The following WWC2 variants were observed in gnomAD, a reference collection of about 807,000 sequenced individuals.
WWC2 encodes the protein WW and C2 domain containing 2.
A neutral mutation model predicts 138.5 loss-of-function variants in WWC2; 101 were observed. That is an observed-to-expected ratio of 0.73 (90% CI 0.62 to 0.86). The LOEUF (loss-of-function observed/expected upper bound fraction) is 0.86. Ranked by LOEUF, WWC2 falls within the 40% of genes least tolerant of loss-of-function variation. WWC2 has a pLI of 0.00. For missense variants in WWC2, 1,420 were observed against 1,419.4 expected (o/e 1.00, Z -0.01); for synonymous variants, 558 against 538.4 (o/e 1.04, Z -0.50).
rs1275547488 is a variant in WWC2 at position 183,317,790 on chromosome 4, A to ATACAAAAAG, written c.*2063_*2071dup. 6.6e-6 allele frequency: 1 copy of ATACAAAAAG among 152,190 alleles called. No homozygotes were observed. Among genetic ancestry groups the ATACAAAAAG allele is most frequent in the East Asian group, 1.9e-4 (1 of 5,200 alleles). The allele number at this position is 152,190 out of a possible 1,614,324, so 9.4% of individuals were successfully genotyped here. A position where few individuals can be genotyped will look rare whatever the true frequency, so the allele number is the denominator to read the frequency against. ...TCAGATTAGCTGTTGACTTTTTGTA[A>ATACAAAAAG]TACAAAAAGTTTCAGACAAGTATTA... On this transcript the variant is annotated 3_prime_UTR_variant, in exon 23 of 23. Transcript: ENST00000403733.
intron 1 of WWC2, among the ~76,000 whole-genome samples, chr4:183,190,976 C>T (rs539869332): frequency 1.1e-4 from 16 of 152,208 alleles, no homozygotes; most frequent in Non-Finnish European, 2.1e-4. Context: ...TTAAACTTAC[C>T]GTTCTCGTGT....
intron 1 of WWC2, among the ~76,000 whole-genome samples, chr4:183,150,598 G>T (rs927099068): frequency 6.6e-6 from 1 of 151,880 alleles, no homozygotes; most frequent in African/African-American, 2.4e-5. Context: ...ACAACATGCA[G>T]GGTTGTGTGC....
At chr4:183,265,331 T>C (rs1416241316) in intron 12 of WWC2, among the ~76,000 whole-genome samples, 2 of 152,216 alleles carry the variant, frequency 1.3e-5, no homozygotes, top group Non-Finnish European at 2.9e-5. Context: ...ATTGACCCTC[T>C]TTAGAATTTA....
chr4:183,217,256 T>C (rs1387321592), intron 4 of WWC2, among the ~76,000 whole-genome samples: 1 of 151,994 alleles, frequency 6.6e-6, no homozygotes, highest in Non-Finnish European at 1.5e-5. Flanking sequence ...GAGAGTAGTG[T>C]GGAGGGGCAA....
intron 5 of WWC2, among the ~76,000 whole-genome samples, chr4:183,240,815 T>C (rs1056549530): frequency 6.6e-6 from 1 of 152,192 alleles, no homozygotes; most frequent in African/African-American, 2.4e-5. Context: ...TTCCTCTACC[T>C]TTCCCGTTTG....
chr4:183,305,913 T>C (rs2309875), intron 21 of WWC2, among the ~76,000 whole-genome samples: 105,498 of 152,094 alleles, frequency 0.69, 36,859 homozygotes, highest in Middle Eastern at 0.83. Flanking sequence ...ATAGCAACAG[T>C]GTATTCAGTT....
rs958253920 is a variant in WWC2, at chr4:183,245,363, A to C, written c.603-53A>C. ...CAAACCACTTCCTACTCTCTGTTTA[A>C]CTTATATGCTATCATTCTTTGATAT... is the stretch of plus-strand genomic sequence containing the variant. On this transcript the variant is annotated intron_variant, in intron 5 of 22. Transcript: ENST00000403733. 2.8e-6 allele frequency: 4 copies of C among 1,423,684 alleles called. No individual in the cohort carries two copies. The Admixed American group carries it at 1.3e-4, about 45-fold the overall frequency. 88.2% of individuals were successfully genotyped at this position (1,423,684 alleles called of 1,614,324 possible).
chr4:183,216,347 G>A (rs1242002279), intron 4 of WWC2, among the ~76,000 whole-genome samples: 2 of 152,196 alleles, frequency 1.3e-5, no homozygotes, highest in Non-Finnish European at 2.9e-5. Flanking sequence ...TGATTCAAGA[G>A]TCGTCAGCTG....
chr4:183,304,596 C>G lies in WWC2; in HGVS notation c.3385-7745C>G, dbSNP rs553575384. 4.6e-5 allele frequency among the ~76,000 whole-genome samples: 7 copies of G among 152,282 alleles called. No homozygotes were observed. The South Asian group carries it at 8.3e-4, about 18-fold the overall frequency. On this transcript the variant is annotated intron_variant, in intron 21 of 22. Transcript: ENST00000403733. ...TGGTAAGGGAAATACTCAACTCTAG[C>G]CCCCTCTAGTCTTCCATGTGGAAGA...
chr4:183,226,092 TTTC>T lies in WWC2; in HGVS notation c.523-14088_523-14086del, dbSNP rs1266691261. ...CTGTGAAACTTTTCTTTTCTTTTCT[TTTC>T]TTTTTTTTTTTTTTTTTTTGATACA... On this transcript the variant is annotated intron_variant, in intron 4 of 22. Coordinates refer to ENST00000403733, the MANE Select transcript of WWC2 (RefSeq NM_024949.6). Among the ~76,000 whole-genome samples, 549 of 133,070 alleles carry T rather than the reference TTTC, an allele frequency of 4.1e-3. 6 individuals carry two copies. Among genetic ancestry groups the T allele is most frequent in the African/African-American group, 0.021 (512 of 24,514 alleles). The allele number at this position is 133,070 out of a possible 152,430, so 87.3% of individuals were successfully genotyped here. A position where few individuals can be genotyped will look rare whatever the true frequency, so the allele number is the denominator to read the frequency against.
At position 183,289,810 on chromosome 4, in the gene WWC2, CAA is replaced by C. The variant is rs141079671; in HGVS notation, c.3384+179_3384+180del. ...GGCCCTTTTTTTTTTTTTTCCAAAC[CAA>C]AAATGTTGAAGGAACAAGGAAGCTG... On this transcript the variant is annotated intron_variant, in intron 21 of 22. Transcript: ENST00000403733. Among the ~76,000 whole-genome samples the C allele has an allele frequency of 3.6e-3, 530 of 148,100 alleles. 3 individuals are homozygous for C. Among genetic ancestry groups the C allele is most frequent in the African/African-American group, 0.012 (494 of 39,944 alleles).
At chr4:183,148,933 A>G (rs1013042626) in intron 1 of WWC2, among the ~76,000 whole-genome samples, 1 of 147,604 alleles carries the variant, frequency 6.8e-6, no homozygotes, top group African/African-American at 2.5e-5. Context: ...TCAAATCCAA[A>G]TTTTTTTTTT....
intron 2 of WWC2, among the ~76,000 whole-genome samples, chr4:183,203,244 G>A (rs1278030894): frequency 6.7e-6 from 1 of 150,056 alleles, no homozygotes; most frequent in African/African-American, 2.5e-5. Context: ...ATTCCAATAT[G>A]GAATCATTTT....
At chr4:183,164,318 TACATATATATA>T (rs1561443775) in intron 1 of WWC2, among the ~76,000 whole-genome samples, 1 of 1,892 alleles carries the variant, frequency 5.3e-4, no homozygotes, top group African/African-American at 7.4e-4. Context: ...ATATTATATA[TACATATATATA>T]TATATATACA....
chr4:183,271,976 A>G (rs774966326), intron 16 of WWC2, among the ~76,000 whole-genome samples: 1 of 152,198 alleles, frequency 6.6e-6, no homozygotes, highest in South Asian at 2.1e-4. Context: ...ACTGCACTCC[A>G]GCCTGGATGA....
chr4:183,291,984 G>T (rs1738466592), intron 21 of WWC2, among the ~76,000 whole-genome samples: 1 of 151,258 alleles, frequency 6.6e-6, no homozygotes, highest in Middle Eastern at 3.4e-3. Context: ...CCAGGAGTTG[G>T]AGACCAGCCT....
chr4:183,209,543 G>T (rs1278024137), intron 4 of WWC2, among the ~76,000 whole-genome samples: 3 of 152,102 alleles, frequency 2.0e-5, no homozygotes, highest in Admixed American at 6.6e-5. Context: ...GGCCTATTGG[G>T]CAGTTTTATT....
intron 19 of WWC2, among the ~76,000 whole-genome samples, chr4:183,284,970 T>C (rs546659166): frequency 2.9e-4 from 44 of 152,332 alleles, no homozygotes; most frequent in Non-Finnish European, 4.7e-4. Context: ...AAATACTTTT[T>C]AAATTCTAAA....
At chr4:183,257,888 G>A (rs1163723694) in intron 9 of WWC2, among the ~76,000 whole-genome samples, 8 of 152,184 alleles carry the variant, frequency 5.3e-5, no homozygotes, top group Admixed American at 5.2e-4. Context: ...TTCTGGGATT[G>A]TAGGAGCTAA....
Sources: allele counts gnomAD v4.1 joint callset (sites outside exome capture counted in the v4.1 genomes callset), GRCh38; gene constraint gnomAD v4.1.1; transcripts MANE v1.5; gene names NCBI Gene and HGNC (gene_info 2026-07-23, HGNC 2026-07-21).